Variants in FBXO16 observed in about 807,000 individuals in gnomAD.
FBXO16 encodes the protein F-box protein 16.
A neutral mutation model predicts 41.0 loss-of-function variants in FBXO16; 31 were observed. The ratio of observed to expected loss-of-function variants is 0.76; its 90% CI spans 0.57 to 1.02. The LOEUF (loss-of-function observed/expected upper bound fraction) is 1.02, where lower values mean the gene tolerates loss of function less well. Ranked by LOEUF, FBXO16 falls within the 50% of genes least tolerant of loss-of-function variation. FBXO16 has a pLI of 0.00. For missense variants in FBXO16, 361 were observed against 346.2 expected, an observed-to-expected ratio of 1.04 and a Z score of -0.34; for synonymous variants, 133 against 117.8, an observed-to-expected ratio of 1.13 and a Z score of -0.84.
At chr8:28,451,224 C>T (rs1802947166) in intron 6 of FBXO16, among the ~76,000 whole-genome samples, 2 of 152,178 alleles carry the variant, frequency 1.3e-5, no homozygotes, top group Admixed American at 6.5e-5. Context: ...TGAAGAGTCA[C>T]TTTCAGCTTA....
intron 7 of FBXO16, among the ~76,000 whole-genome samples, chr8:28,442,447 G>C (rs925424020): frequency 6.6e-6 from 1 of 152,044 alleles, no homozygotes; most frequent in Non-Finnish European, 1.5e-5. Flanking sequence ...GCAATGGTGC[G>C]ATCTCAAGCC....
chr8:28,444,970 G>A (rs531700322), intron 7 of FBXO16, among the ~76,000 whole-genome samples: 32 of 151,786 alleles, frequency 2.1e-4, no homozygotes, highest in Admixed American at 5.3e-4. Flanking sequence ...TCACTTAGGA[G>A]GCCGATGAGG....
chr8:28,446,025 G>A (rs1458161578), intron 7 of FBXO16, among the ~76,000 whole-genome samples: 3 of 152,030 alleles, frequency 2.0e-5, no homozygotes, highest in Non-Finnish European at 2.9e-5. Context: ...ACAGGGCTTC[G>A]GAGCCACGAT....
intron 1 of FBXO16, among the ~76,000 whole-genome samples, chr8:28,485,084 C>A (rs1203889901): frequency 6.6e-6 from 1 of 152,152 alleles, no homozygotes; most frequent in Non-Finnish European, 1.5e-5. Flanking sequence ...GTGGGTTTCA[C>A]AAGGACAGGT....
chr8:28,462,340 G>A lies in FBXO16; in HGVS notation c.342+1272C>T, dbSNP rs141418855. The stretch of plus-strand genomic sequence containing the variant: ...GTCGCTCAGGCTGGAGTGCAGTGGC[G>A]CATTCTCGGCTTACTGCAAGCTCTG... On this transcript the variant is annotated intron_variant, in intron 4 of 8. Transcript: ENST00000380254. 2.9e-4 allele frequency among the ~76,000 whole-genome samples: 43 copies of A among 148,774 alleles called. No homozygotes were observed. In the East Asian group the frequency reaches 8.0e-3, roughly 28 times the overall value.
chr8:28,473,784 C>G lies in FBXO16; in HGVS notation c.123G>C (p.Leu41=), dbSNP rs761242501. Residue 41 remains leucine, a synonymous_variant, in exon 3 of 9, where the codon CTG becomes CTC. Transcript: ENST00000380254. ...NDRVFEERRA[L]LGKWFDKWTD... ...TTTAAATGTTTACCCATTTGCCAAG[C>G]AGGGCTCTTCTTTCTTCAAATACCT... 37 of 1,603,724 alleles carry G rather than the reference C, an allele frequency of 2.3e-5. No homozygotes were observed. Among genetic ancestry groups the G allele is most frequent in the Admixed American group, 8.5e-5 (5 of 59,086 alleles).
chr8:28,474,869 A>G (rs1217163555), intron 2 of FBXO16, among the ~76,000 whole-genome samples: 5 of 152,260 alleles, frequency 3.3e-5, no homozygotes, highest in Non-Finnish European at 7.3e-5. Context: ...TATCAGTACA[A>G]TGTGAGTATC....
At chr8:28,441,707 G>A (rs1250820599) in intron 7 of FBXO16, among the ~76,000 whole-genome samples, 2 of 144,662 alleles carry the variant, frequency 1.4e-5, no homozygotes, top group African/African-American at 2.6e-5. Flanking sequence ...TTGCACTCCA[G>A]CCTGGGCAAC....
rs1310053938 is a variant in FBXO16, at chr8:28,483,436, A to C, written c.11T>G (p.Phe4Cys). Residue 4 changes from phenylalanine to cysteine, a missense_variant, in exon 2 of 9, where the codon TTT becomes TGT. Transcript: ENST00000380254. MMAFAPPKNTDGPK... is the reference protein window; with the variant it reads MMACAPPKNTDGPK... ...ACCATCTGTGTTTTTTGGAGGTGCA[A>C]ATGCCATCATGAAACAACTGGATAT... 6.2e-7 allele frequency: 1 copy of C among 1,613,822 alleles called. No homozygotes were observed. Among genetic ancestry groups the C allele is most frequent in the Admixed American group, 1.7e-5 (1 of 59,986 alleles).
chr8:28,442,757 G>A (rs959060761), intron 7 of FBXO16, among the ~76,000 whole-genome samples: 2 of 152,132 alleles, frequency 1.3e-5, no homozygotes, highest in Admixed American at 6.6e-5. Flanking sequence ...CTTGGGGTCC[G>A]CTTTAGAATC....
intron 7 of FBXO16, 151 bp downstream of exon 7, chr8:28,447,020 G>A: frequency 1.6e-6 from 1 of 623,472 alleles, no homozygotes; most frequent in Non-Finnish European, 2.7e-6. Context: ...CAAGGTCATG[G>A]CTTCTCTGCC....
chr8:28,452,090 A>G (rs1297681094), intron 6 of FBXO16, among the ~76,000 whole-genome samples, 154 bp downstream of exon 6: 1 of 152,106 alleles, frequency 6.6e-6, no homozygotes, highest in African/African-American at 2.4e-5. Context: ...ATTTGCTAGT[A>G]ATGGTCAGTA....
Position 28,455,081 on chromosome 8 carries a change from A to ATT in FBXO16, c.507+1683_507+1684dup, listed in dbSNP as rs111415524. On this transcript the variant is annotated intron_variant, in intron 5 of 8. Coordinates refer to ENST00000380254, the MANE Select transcript of FBXO16 (RefSeq NM_172366.4). ...CTCTTTTATTTCATGAATTACATTG[A>ATT]TTTTTTTTTTTTTTGAGACAGTCTT... 6.7e-3 allele frequency among the ~76,000 whole-genome samples: 966 copies of ATT among 144,500 alleles called. 7 individuals carry two copies. Among genetic ancestry groups the ATT allele is most frequent in the African/African-American group, 0.024 (926 of 39,132 alleles). The allele number at this position is 144,500 out of a possible 152,430, so 94.8% of individuals were successfully genotyped here. A position where few individuals can be genotyped will look rare whatever the true frequency, so the allele number is the denominator to read the frequency against.
In FBXO16 at chr8:28,460,049, A is replaced by G. The variant is rs76220538; in HGVS notation, c.343-3119T>C. ...TCAAAAAACAAACAAACAAAAAATC[A>G]TTTTTGGAATAGGTATGTGCATACT... On this transcript the variant is annotated intron_variant, in intron 4 of 8. Transcript: ENST00000380254. Among the ~76,000 whole-genome samples, 502 of 151,646 alleles carry G rather than the reference A, an allele frequency of 3.3e-3. 5 individuals carry two copies. In the East Asian group the frequency reaches 0.044, roughly 13 times the overall value.
chr8:28,463,731 G>A lies in FBXO16; in HGVS notation c.223C>T (p.Arg75Ter), dbSNP rs777366526. The A allele has an allele frequency of 1.7e-5, 27 of 1,614,054 alleles. No homozygotes were observed. The highest frequency in any genetic ancestry group is 3.3e-5 in the Admixed American group (2 of 60,006). Reference protein sequence around the residue: ...CSLSQQKFCCRKLQEKIPAEA... With the variant: ...CSLSQQKFCC ...GCTGGAATTTTCTCTTGAAGCTTTCGACAGCAGAACTTTTGCTGGGACAGC... is the reference window on the plus strand; with the variant it reads ...GCTGGAATTTTCTCTTGAAGCTTTCAACAGCAGAACTTTTGCTGGGACAGC... Residue 75 changes from arginine (R) to a stop codon, truncating the protein, a stop_gained, in exon 4 of 9, where the codon CGA becomes TGA. Coordinates refer to ENST00000380254, the MANE Select transcript of FBXO16 (RefSeq NM_172366.4). LOFTEE classifies it high-confidence loss of function.
At chr8:28,474,352 A>AAAAAAAAAAG (rs1563368937) in intron 2 of FBXO16, among the ~76,000 whole-genome samples, 2 of 127,972 alleles carry the variant, frequency 1.6e-5, no homozygotes, top group Non-Finnish European at 3.2e-5. Flanking sequence ...AAAAAAAAAA[A>AAAAAAAAAAG]AGAGAGAGAA....
chr8:28,471,263 A>G (rs1266000699), intron 3 of FBXO16, among the ~76,000 whole-genome samples: 1 of 152,222 alleles, frequency 6.6e-6, no homozygotes, highest in African/African-American at 2.4e-5. Flanking sequence ...AATTCATATT[A>G]TATTTTATCT....
At chr8:28,449,801 G>A (rs1224172951) in intron 6 of FBXO16, among the ~76,000 whole-genome samples, 3 of 151,606 alleles carry the variant, frequency 2.0e-5, no homozygotes, top group Non-Finnish European at 2.9e-5. Flanking sequence ...GTGAAACCTC[G>A]TCCCTACTAA....
intron 5 of FBXO16, among the ~76,000 whole-genome samples, chr8:28,453,664 C>T (rs1313702932): frequency 6.6e-6 from 1 of 151,754 alleles, no homozygotes; most frequent in Non-Finnish European, 1.5e-5. Flanking sequence ...CAAGAAATTC[C>T]CCAGTTCCCC....
Sources: allele counts gnomAD v4.1 joint callset (sites outside exome capture counted in the v4.1 genomes callset), GRCh38; gene constraint gnomAD v4.1.1; transcripts MANE v1.5; gene names NCBI Gene and HGNC (gene_info 2026-07-23, HGNC 2026-07-21).